The following CDH13 variants were observed in gnomAD, a reference collection of about 807,000 sequenced individuals.
CDH13 encodes the protein cadherin-13.
CDH13 carries 24 observed loss-of-function variants against 63.8 expected under a neutral mutation model. That is an observed-to-expected ratio of 0.38 (90% confidence interval 0.27 to 0.53). The LOEUF is 0.53. CDH13 is among the 20% of genes least tolerant of loss of function. The probability of loss-of-function intolerance (pLI) is 0.85; values close to 1 mark genes in which losing one functional copy is unlikely to be tolerated. For synonymous variants in CDH13, 503 were observed against 355.3 expected, an observed-to-expected ratio of 1.42 and a Z score of -4.67; for missense variants, 1,049 against 903.1, an observed-to-expected ratio of 1.16 and a Z score of -2.07.
At chr16:83,340,528 T>C (rs2151356564) in intron 5 of CDH13, among the ~76,000 whole-genome samples, 1 of 152,318 alleles carries the variant, frequency 6.6e-6, no homozygotes, top group South Asian at 2.1e-4. Context: ...ACAAGACCCT[T>C]GGATTTCCAT....
chr16:83,683,048 G>A (rs959505535), intron 10 of CDH13, among the ~76,000 whole-genome samples: 23 of 152,142 alleles, frequency 1.5e-4, no homozygotes, highest in African/African-American at 5.3e-4. Context: ...GGCTGACCGC[G>A]GCCAGACACC....
intron 7 of CDH13, among the ~76,000 whole-genome samples, chr16:83,523,528 A>G (rs2074888806): frequency 6.6e-6 from 1 of 152,122 alleles, no homozygotes; most frequent in African/African-American, 2.4e-5. Flanking sequence ...CCTGCCAACC[A>G]GTGCCCCCCA....
intron 10 of CDH13, among the ~76,000 whole-genome samples, chr16:83,705,457 C>G (rs925598280): frequency 1.3e-5 from 2 of 151,982 alleles, no homozygotes; most frequent in African/African-American, 2.4e-5. Context: ...CCTGTCTCTA[C>G]TAAAAATACA....
At chr16:82,627,337 CGTGTGTGTGTGTGT>C (rs71146081) in intron 1 of CDH13, among the ~76,000 whole-genome samples, 200 bp downstream of exon 1, 109 of 131,254 alleles carry the variant, frequency 8.3e-4, no homozygotes, top group African/African-American at 2.5e-3. Context: ...CTCTGGCGTG[CGTGTGTGTGTGTGT>C]GTGTGTGTGT....
At chr16:83,535,431 G>C (rs973995090) in intron 7 of CDH13, among the ~76,000 whole-genome samples, 4 of 152,356 alleles carry the variant, frequency 2.6e-5, no homozygotes, top group East Asian at 1.9e-4. Context: ...TTCAGAAGAA[G>C]TTAGGAAGCT....
chr16:83,291,318 C>G (rs369506224), intron 5 of CDH13, among the ~76,000 whole-genome samples: 1 of 152,072 alleles, frequency 6.6e-6, no homozygotes, highest in South Asian at 2.1e-4. Flanking sequence ...TCTTCATCTT[C>G]CAGGGAGAAT....
At chr16:83,101,603 G>T (rs984786616) in intron 3 of CDH13, among the ~76,000 whole-genome samples, 9 of 152,106 alleles carry the variant, frequency 5.9e-5, no homozygotes, top group Admixed American at 5.9e-4. Context: ...AGACCAGCCT[G>T]GCTAACATGG....
At chr16:82,956,986 G>A (rs1906217148) in intron 2 of CDH13, among the ~76,000 whole-genome samples, 1 of 152,120 alleles carries the variant, frequency 6.6e-6, no homozygotes, top group South Asian at 2.1e-4. Flanking sequence ...GGGGTGGAGA[G>A]ACATAAATCT....
chr16:83,032,265 T>A (rs749708145), intron 3 of CDH13, 47 bp downstream of exon 3: 54 of 1,467,340 alleles, frequency 3.7e-5, no homozygotes, highest in Non-Finnish European at 5.0e-5. Flanking sequence ...GGACATTAGG[T>A]TCTGTCTGTC....
intron 10 of CDH13, among the ~76,000 whole-genome samples, chr16:83,733,906 G>A (rs947439912): frequency 6.6e-6 from 1 of 152,192 alleles, no homozygotes. Flanking sequence ...CTGAGACTTA[G>A]GCAGAGAGCC....
chr16:83,250,314 C>T (rs772600595), intron 5 of CDH13, among the ~76,000 whole-genome samples: 4 of 152,126 alleles, frequency 2.6e-5, no homozygotes, highest in African/African-American at 4.8e-5. Flanking sequence ...CTGATTTATG[C>T]CAGCCACCGT....
chr16:82,909,737 C>T (rs1019371564), intron 2 of CDH13, among the ~76,000 whole-genome samples: 3 of 152,108 alleles, frequency 2.0e-5, no homozygotes, highest in Admixed American at 6.5e-5. Context: ...CACCGGGTTC[C>T]TCCCACAACA....
intron 10 of CDH13, among the ~76,000 whole-genome samples, chr16:83,713,519 A>G (rs1206809516): frequency 3.3e-5 from 5 of 152,166 alleles, no homozygotes; most frequent in Admixed American, 3.3e-4. Context: ...CAAAAAAAAA[A>G]AAAATTTCCT....
At chr16:83,649,402 G>T (rs552278163) in intron 8 of CDH13, among the ~76,000 whole-genome samples, 3 of 152,308 alleles carry the variant, frequency 2.0e-5, no homozygotes, top group Admixed American at 1.3e-4. Context: ...CACAGTGGGA[G>T]GTGAGGAAAT....
Position 83,004,003 on chromosome 16 carries a change from A to G in CDH13, c.158-28007A>G, listed in dbSNP as rs115920209. Among the ~76,000 whole-genome samples, 263 of 152,316 alleles carry G rather than the reference A, an allele frequency of 1.7e-3. 1 individual carries two copies. The highest frequency in any genetic ancestry group is 6.0e-3 in the African/African-American group (249 of 41,574). On this transcript the variant is annotated intron_variant, in intron 2 of 13. Transcript: ENST00000567109. The stretch of plus-strand genomic sequence containing the variant: ...AGGAAGAGGTAGGAGAATCAAGACA[A>G]TCGAATGTGTCAGACTAAAGTAGAT...
chr16:83,622,531 C>T (rs377264008), intron 8 of CDH13, among the ~76,000 whole-genome samples: 124 of 152,320 alleles, frequency 8.1e-4, no homozygotes, highest in African/African-American at 2.9e-3. Flanking sequence ...AATCTTCCTG[C>T]ATCACCATCA....
At chr16:82,673,021 T>G (rs1006251043) in intron 1 of CDH13, among the ~76,000 whole-genome samples, 1 of 140,974 alleles carries the variant, frequency 7.1e-6, no homozygotes. Context: ...TTTTTTTTTG[T>G]AGAGATGATG....
chr16:83,174,569 G>T (rs2038050026), intron 4 of CDH13, among the ~76,000 whole-genome samples: 2 of 151,894 alleles, frequency 1.3e-5, no homozygotes, highest in Non-Finnish European at 2.9e-5. Context: ...TTCCAAACCT[G>T]CACTGTCCAG....
At chr16:82,792,384 C>A (rs34037572) in intron 1 of CDH13, among the ~76,000 whole-genome samples, 12 of 151,964 alleles carry the variant, frequency 7.9e-5, no homozygotes, top group Non-Finnish European at 1.6e-4. Flanking sequence ...GTGTGTGGGG[C>A]GTCATATATC....
Sources: gnomAD v4.1 joint callset for allele counts (sites outside exome capture counted in the v4.1 genomes callset) on GRCh38, gnomAD v4.1.1 for gene constraint, MANE v1.5 for transcripts, NCBI Gene and HGNC (gene_info 2026-07-23, HGNC 2026-07-21) for gene names.